Variants in EPHA2 observed in about 807,000 individuals in gnomAD.
EPHA2 encodes ephrin type-A receptor 2.
EPHA2 carries 54 observed loss-of-function variants against 104.9 expected under a neutral mutation model. The ratio of observed to expected loss-of-function variants is 0.51; its 90% CI spans 0.41 to 0.65. The LOEUF (loss-of-function observed/expected upper bound fraction) is 0.65. Among genes scored for constraint, EPHA2 ranks in the 30% least tolerant of loss-of-function variants. The pLI is 0.00. For missense variants in EPHA2, 1,117 were observed against 1,369.5 expected, an observed-to-expected ratio of 0.82 and a Z score of 2.91; for synonymous variants, 560 against 559.1, an observed-to-expected ratio of 1.00 and a Z score of -0.02.
At chr1:16,138,491 T>C (rs1557509243) in intron 3 of EPHA2, 61 bp from the exon 4 acceptor site, 1 of 1,609,742 alleles carries the variant, frequency 6.2e-7, no homozygotes, top group African/African-American at 1.3e-5. Flanking sequence ...CCACCCCACG[T>C]GACTGTCTCA....
chr1:16,152,138 A>C (rs74054927), intron 1 of EPHA2, among the ~76,000 whole-genome samples: 160 of 152,342 alleles, frequency 1.1e-3, no homozygotes, highest in African/African-American at 3.7e-3. Context: ...AAAGAAACCA[A>C]GTCAATGCTT....
chr1:16,127,470 C>G (rs1409981666), intron 16 of EPHA2, among the ~76,000 whole-genome samples: 1 of 152,116 alleles, frequency 6.6e-6, no homozygotes, highest in Non-Finnish European at 1.5e-5. Context: ...CCCAGGGGAC[C>G]AGGCAGCTGG....
In EPHA2 at chr1:16,148,895, T is replaced by C; in HGVS notation, c.306A>G (p.Val102=). Residue 102 remains valine (V), a synonymous_variant, in exon 3 of 17, where the codon GTA becomes GTG. Transcript: ENST00000358432. The surrounding 1 kb of genome is among the most constrained non-coding windows in gnomAD (Gnocchi z 4.9). ...CACCAGGGAAGCTGTTGCAGTCACG[T>C]ACAGTAAACTTGAGCTCAATGAAGA... ...ERIFIELKFT[V]RDCNSFPGGA... The C allele has an allele frequency of 6.2e-7, 1 of 1,614,150 alleles. No homozygotes were observed. The highest frequency in any genetic ancestry group is 8.5e-7 in the Non-Finnish European group (1 of 1,180,048).
chr1:16,155,846 A>G lies in EPHA2; in HGVS notation c.85+2T>C, dbSNP rs2025154902. The G allele has an allele frequency of 1.4e-6, 2 of 1,439,954 alleles. No homozygotes were observed. Among genetic ancestry groups the G allele is most frequent in the South Asian group, 1.4e-5 (1 of 72,062 alleles). The allele number at this position is 1,439,954 out of a possible 1,614,324, so 89.2% of individuals were successfully genotyped here. ...AGGGGTCCAGACGCCGCGCGCACTC[A>G]CCTTCCTTGCCCTGCGCCGCCGCGG... On this transcript the variant is annotated splice_donor_variant, in intron 1 of 16. Coordinates refer to ENST00000358432, the MANE Select transcript of EPHA2 (RefSeq NM_004431.5). LOFTEE classifies it high-confidence loss of function.
intron 16 of EPHA2, among the ~76,000 whole-genome samples, chr1:16,126,147 A>T (rs1051689114): frequency 6.6e-6 from 1 of 152,142 alleles, no homozygotes; most frequent in Non-Finnish European, 1.5e-5. Context: ...AGATGTGCCC[A>T]GGAGCCCACA....
At chr1:16,155,393 C>T (rs2025137063) in intron 1 of EPHA2, 3 of 152,390 alleles carry the variant, frequency 2.0e-5, no homozygotes, top group African/African-American at 4.8e-5. Context: ...GGCTCCCGCC[C>T]GCCCGAGCCC....
intron 2 of EPHA2, among the ~76,000 whole-genome samples, 196 bp from the exon 3 acceptor site, chr1:16,149,243 C>G (rs557269054): frequency 6.6e-6 from 1 of 152,130 alleles, no homozygotes; most frequent in African/African-American, 2.4e-5. Flanking sequence ...GTCTTTCTGG[C>G]ACATGTCTGG....
At chr1:16,155,802 G>T in intron 1 of EPHA2, 46 bp downstream of exon 1, 2 of 1,330,370 alleles carry the variant, frequency 1.5e-6, no homozygotes, top group Non-Finnish European at 1.9e-6. Context: ...GCTCTAGGGG[G>T]CACTGGGGCC....
chr1:16,130,092 C>T lies in EPHA2; in HGVS notation c.2669+134G>A. 9.0e-6 allele frequency: 11 copies of T among 1,223,674 alleles called. No homozygotes were observed. The highest frequency in any genetic ancestry group is 1.3e-5 in the Non-Finnish European group (11 of 857,350). 75.8% of individuals were successfully genotyped at this position (1,223,674 alleles called of 1,614,324 possible). ...CTGGGCCATCGTGTCCAGTCTAAGT[C>T]AAGTCCACACATAACCTCTTAGCCC... On this transcript the variant is annotated intron_variant, in intron 15 of 16. Coordinates refer to ENST00000358432, the MANE Select transcript of EPHA2 (RefSeq NM_004431.5). This position sits in a 1 kb window ranked among gnomAD's most constrained non-coding sequence, Gnocchi z 4.5.
intron 5 of EPHA2, 67 bp downstream of exon 5, chr1:16,137,786 T>G (rs2024742343): frequency 6.3e-7 from 1 of 1,591,248 alleles, no homozygotes; most frequent in East Asian, 2.2e-5. Flanking sequence ...GAGCCCCAGA[T>G]GGCCGTCCTC....
In EPHA2 at chr1:16,137,964, C is replaced by A. The variant is rs758416217; in HGVS notation, c.1201G>T (p.Asp401Tyr). Residue 401 changes from aspartate (D) to tyrosine (Y), a missense_variant, in exon 5 of 17, where the codon GAC (aspartate) becomes TAC (tyrosine). Coordinates refer to ENST00000358432, the MANE Select transcript of EPHA2 (RefSeq NM_004431.5). Reference sequence around the variant, plus strand: ...GTGTAGTTCATGTGGGGCTCCAGGTCGCTCACTGTCACACTGGTGCGGGTC... The same window carrying A: ...GTGTAGTTCATGTGGGGCTCCAGGTAGCTCACTGTCACACTGGTGCGGGTC... Reference protein sequence around the residue: ...GLTRTSVTVSDLEPHMNYTFT... With the variant: ...GLTRTSVTVSYLEPHMNYTFT... 9.3e-6 allele frequency: 15 copies of A among 1,614,048 alleles called. No individual in the cohort carries two copies. The highest frequency in any genetic ancestry group is 1.3e-5 in the Non-Finnish European group (15 of 1,180,056).
rs750091839 is a variant in EPHA2, at chr1:16,148,693, C to A, written c.508G>T (p.Val170Leu). ...AAGCCTTTGCGGGTGAGCGGCCCCA[C>A]GGAGCGCTCCTCCACGTTCAGCTTC... ...HVKLNVEERSVGPLTRKGFYL... is the reference protein window; with the variant it reads ...HVKLNVEERSLGPLTRKGFYL... Residue 170 changes from valine to leucine, a missense_variant, in exon 3 of 17, where the codon GTG becomes TTG. Val to Leu is a conservative substitution (Grantham distance 32, BLOSUM62 1). Coordinates refer to ENST00000358432, the MANE Select transcript of EPHA2 (RefSeq NM_004431.5). This position sits in a 1 kb window ranked among gnomAD's most constrained non-coding sequence, Gnocchi z 4.9. 5.0e-6 allele frequency: 8 copies of A among 1,612,190 alleles called. No homozygotes were observed. The highest frequency in any genetic ancestry group is 6.8e-6 in the Non-Finnish European group (8 of 1,180,038).
intron 1 of EPHA2, 75 bp downstream of exon 1, chr1:16,155,773 G>A (rs1222371658): frequency 3.4e-6 from 4 of 1,190,698 alleles, no homozygotes; most frequent in South Asian, 4.2e-5. Context: ...CCAAAGTTGC[G>A]CGCGTCAAGG....
chr1:16,147,275 T>C (rs11260766), intron 3 of EPHA2, among the ~76,000 whole-genome samples: 4,733 of 152,198 alleles, frequency 0.031, 271 homozygotes, highest in African/African-American at 0.11. Context: ...GGAAAATCAA[T>C]AGAGGTCCCA....
chr1:16,138,105 T>G lies in EPHA2; in HGVS notation c.1060A>C (p.Ser354Arg). The change falls in exon 5 of 17, where the codon AGC becomes CGC. Residue 354 changes from serine to arginine, a missense_variant. Around this residue, in one of 3 missense-constraint regions of EPHA2, gnomAD observed 664 missense variants for 784.8 expected, o/e 0.85. Transcript: ENST00000358432. Reference protein sequence around the residue: ...VELRWTPPQDSGGREDIVYSV... With the variant: ...VELRWTPPQDRGGREDIVYSV... ...TAGACAATGTCCTCGCGGCCCCCGC[T>G]GTCCTGAGGGGGCGTCCAGCGCAGC... is the stretch of plus-strand genomic sequence containing the variant. The G allele has an allele frequency of 6.2e-7, 1 of 1,610,112 alleles. No individual in the cohort carries two copies. The highest frequency in any genetic ancestry group is 8.5e-7 in the Non-Finnish European group (1 of 1,179,642).
rs1180504825 is a variant in EPHA2, at chr1:16,130,097, C to T, written c.2669+129G>A. 7.9e-7 allele frequency: 1 copy of T among 1,266,660 alleles called. No individual in the cohort carries two copies. The highest frequency in any genetic ancestry group is 2.4e-5 in the East Asian group (1 of 41,272). 78.5% of individuals were successfully genotyped at this position (1,266,660 alleles called of 1,614,324 possible). ...CCATCGTGTCCAGTCTAAGTCAAGT[C>T]CACACATAACCTCTTAGCCCCCAGC... On this transcript the variant is annotated intron_variant, in intron 15 of 16. Transcript: ENST00000358432. The surrounding 1 kb of genome is among the most constrained non-coding windows in gnomAD (Gnocchi z 4.5).
At chr1:16,140,349 G>A (rs1022201013) in intron 3 of EPHA2, among the ~76,000 whole-genome samples, 1 of 152,244 alleles carries the variant, frequency 6.6e-6, no homozygotes, top group Non-Finnish European at 1.5e-5. Flanking sequence ...GGACAGAGGA[G>A]GCCCGGGACC....
rs1014565185 is a variant in EPHA2 at position 16,134,523 on chromosome 1, C to A, written c.1627G>T (p.Val543Phe). 7 of 1,614,028 alleles carry A rather than the reference C, an allele frequency of 4.3e-6. No individual in the cohort carries two copies. Among genetic ancestry groups the A allele is most frequent in the Non-Finnish European group, 5.9e-6 (7 of 1,180,054 alleles). ...GNLAVIGGVA[V>F]GVVLLLVLAG... ...AGCACCAGAAGCAGGACCACACCGACAGCCACGCCGCCAATCACCGCCAAG... is the reference window on the plus strand; with the variant it reads ...AGCACCAGAAGCAGGACCACACCGAAAGCCACGCCGCCAATCACCGCCAAG... Residue 543 changes from valine to phenylalanine, a missense_variant, in exon 8 of 17, where the codon GTC becomes TTC. Physicochemically the swap from Val to Phe is conservative, Grantham distance 50 (BLOSUM62 -1). Transcript: ENST00000358432. This position sits in a 1 kb window ranked among gnomAD's most constrained non-coding sequence, Gnocchi z 4.5.
At chr1:16,133,145 C>G (rs924982389) in intron 11 of EPHA2, 35 bp downstream of exon 11, 2 of 1,611,206 alleles carry the variant, frequency 1.2e-6, no homozygotes, top group African/African-American at 2.7e-5. Flanking sequence ...TAAGTGGCCC[C>G]TCTCCACCCA....
Sources: gnomAD v4.1 joint callset for allele counts (sites outside exome capture counted in the v4.1 genomes callset) on GRCh38, gnomAD v4.1.1 for gene constraint, gnomAD v4.1.1 regional missense constraint, Gnocchi (gnomAD v3.1) non-coding constraint, MANE v1.5 for transcripts, NCBI Gene and HGNC (gene_info 2026-07-23, HGNC 2026-07-21) for gene names.